The following STARD9 variants were observed in gnomAD, a reference collection of about 807,000 sequenced individuals.
The protein encoded by STARD9 is StAR related lipid transfer domain containing 9.
In STARD9, 346 loss-of-function variants were observed where a neutral mutation model predicts 399.8. The observed-to-expected ratio is 0.87, with a 90% CI of 0.79 to 0.95. The LOEUF is 0.95. Ranked by LOEUF, STARD9 falls within the 40% of genes least tolerant of loss-of-function variation. The probability of loss-of-function intolerance (pLI) is 0.00; values close to 1 mark genes in which losing one functional copy is unlikely to be tolerated. For synonymous variants in STARD9, 2,203 were observed against 2,143.5 expected (o/e 1.03, Z -0.77); for missense variants, 5,832 against 5,667.5 (o/e 1.03, Z -0.93).
At chr15:42,618,351 G>A (rs1361449971) in intron 3 of STARD9, among the ~76,000 whole-genome samples, 1 of 149,726 alleles carries the variant, frequency 6.7e-6, no homozygotes, top group Non-Finnish European at 1.5e-5. Flanking sequence ...CAGGTTGGTC[G>A]TGAACTCCTG....
Position 42,663,273 on chromosome 15 carries a change from C to T in STARD9, c.869-8C>T, listed in dbSNP as rs1469963568. The T allele has an allele frequency of 5.3e-6, 8 of 1,513,504 alleles. No homozygotes were observed. The highest frequency in any genetic ancestry group is 2.8e-5 in the African/African-American group (2 of 71,864). 93.8% of individuals were successfully genotyped at this position (1,513,504 alleles called of 1,614,324 possible). Reference sequence around the variant, plus strand: ...TCTTTCTTCCATTTTCTTTTTTCATCTTTTAAGCCCAGAACTCCCAAGTTT... The same window carrying T: ...TCTTTCTTCCATTTTCTTTTTTCATTTTTTAAGCCCAGAACTCCCAAGTTT... On this transcript the variant is annotated splice_region_variant and splice_polypyrimidine_tract_variant and intron_variant, in intron 11 of 32. Transcript: ENST00000290607.
intron 3 of STARD9, among the ~76,000 whole-genome samples, chr15:42,614,922 G>A (rs2058927000): frequency 6.6e-6 from 1 of 151,890 alleles, no homozygotes; most frequent in African/African-American, 2.4e-5. Flanking sequence ...CTGAGATCGT[G>A]TCACTGCACT....
At position 42,665,795 on chromosome 15, in the gene STARD9, A is replaced by G. The variant is rs747797155; in HGVS notation, c.1264A>G (p.Ser422Gly). 6.5e-7 allele frequency: 1 copy of G among 1,537,202 alleles called. No homozygotes were observed. Among genetic ancestry groups the G allele is most frequent in the South Asian group, 1.2e-5 (1 of 84,064 alleles). ...LLLSFELRNF[S>G]SLSDENLKEL... is the part of the protein sequence containing the mutation. ...CTCTATCTTTGTGCAGAGAAACTTCAGTTCATTGAGTGATGAAAACCTGAA... is the reference window on the plus strand; with the variant it reads ...CTCTATCTTTGTGCAGAGAAACTTCGGTTCATTGAGTGATGAAAACCTGAA... The change falls in exon 15 of 33, where the codon AGT becomes GGT. Residue 422 changes from serine to glycine, a missense_variant. Coordinates refer to ENST00000290607, the MANE Select transcript of STARD9 (RefSeq NM_020759.3).
rs533124511 is a variant in STARD9, at chr15:42,591,049, G to C, written c.234+5412G>C. Among the ~76,000 whole-genome samples, 21 of 152,326 alleles carry C rather than the reference G, an allele frequency of 1.4e-4. No individual in the cohort carries two copies. The South Asian group carries it at 4.3e-3, about 32-fold the overall frequency. On this transcript the variant is annotated intron_variant, in intron 3 of 32. Coordinates refer to ENST00000290607, the MANE Select transcript of STARD9 (RefSeq NM_020759.3). ...GAGAACTTGTTAGTCATCTAGGCCA[G>C]AGTTTGTTGACCTCAGCGCTGTTGA...
At chr15:42,643,851 A>G (rs562232008) in intron 7 of STARD9, among the ~76,000 whole-genome samples, 82 of 152,186 alleles carry the variant, frequency 5.4e-4, no homozygotes, top group Non-Finnish European at 1.0e-3. Flanking sequence ...TTCATCATCA[A>G]TCAGTTTAAA....
chr15:42,617,810 G>C (rs1423155109), intron 3 of STARD9, among the ~76,000 whole-genome samples: 1 of 152,092 alleles, frequency 6.6e-6, no homozygotes, highest in East Asian at 1.9e-4. Context: ...CTGGAGTGCA[G>C]TGGCACGATT....
rs1261053021 is a variant in STARD9, at chr15:42,717,062, C to G, written c.13494+14C>G. 1 of 1,536,864 alleles carries G rather than the reference C, an allele frequency of 6.5e-7. No individual in the cohort carries two copies. Among genetic ancestry groups the G allele is most frequent in the African/African-American group, 1.4e-5 (1 of 73,004 alleles). On this transcript the variant is annotated intron_variant, in intron 28 of 32. Transcript: ENST00000290607. ...TCTATGGCTGATGTGAGTAACTGCTCCCACCCATCCCTACCATTCCTTTAC... is the reference window on the plus strand; with the variant it reads ...TCTATGGCTGATGTGAGTAACTGCTGCCACCCATCCCTACCATTCCTTTAC...
At chr15:42,635,542 G>A (rs2059403421) in intron 4 of STARD9, among the ~76,000 whole-genome samples, 1 of 151,976 alleles carries the variant, frequency 6.6e-6, no homozygotes. Flanking sequence ...TGTTAGCCAG[G>A]ATGGTCTCAA....
In STARD9 at chr15:42,718,042, T is replaced by C; in HGVS notation, c.13625T>C (p.Phe4542Ser). 1 of 1,537,222 alleles carries C rather than the reference T, an allele frequency of 6.5e-7. No homozygotes were observed. Among genetic ancestry groups the C allele is most frequent in the South Asian group, 1.2e-5 (1 of 84,058 alleles). Residue 4542 changes from phenylalanine (F) to serine (S), a missense_variant, in exon 30 of 33, where the codon TTC becomes TCC. Phe to Ser is a radical substitution (Grantham distance 155). Around this residue, in one of 2 missense-constraint regions of STARD9, gnomAD observed 5,828 missense variants for 5,651.1 expected, o/e 1.03. Transcript: ENST00000290607. ...GTGTTTTCTCCCACTCGGCATGGCT[T>C]CCTGGGGGCAGGTGTGGTGTCCCAG... is the stretch of plus-strand genomic sequence containing the variant. ...YKVFSPTRHG[F>S]LGAGVVSQPL...
In STARD9 at chr15:42,661,238, T is replaced by G; in HGVS notation, c.770+13T>G. The G allele has an allele frequency of 6.6e-7, 1 of 1,524,162 alleles. No individual in the cohort carries two copies. The highest frequency in any genetic ancestry group is 8.8e-7 in the Non-Finnish European group (1 of 1,134,980). The allele number at this position is 1,524,162 out of a possible 1,614,324, so 94.4% of individuals were successfully genotyped here. On this transcript the variant is annotated intron_variant, in intron 10 of 32. Transcript: ENST00000290607. ...ACCTAGCAGGCAGGTAATTAGGATT[T>G]TAAAGCTAAGGGGAATTACTCTTGT...
Position 42,689,696 on chromosome 15 carries a change from A to G in STARD9, c.8118A>G (p.Lys2706=). The stretch of plus-strand genomic sequence containing the variant: ...CTTCTGAAATCATAGAGAAAAAGAA[A>G]GATGCAACCAGAACACCTTCCTCAG... The part of the protein sequence containing the change: ...SSSSEIIEKK[K]DATRTPSSAD... Residue 2706 remains lysine (K), a synonymous_variant, in exon 23 of 33, where the codon AAA becomes AAG. Transcript: ENST00000290607. 6.5e-7 allele frequency: 1 copy of G among 1,537,882 alleles called. No homozygotes were observed. The highest frequency in any genetic ancestry group is 1.4e-5 in the African/African-American group (1 of 73,184).
intron 26 of STARD9, among the ~76,000 whole-genome samples, chr15:42,713,050 C>A (rs2061279314): frequency 6.6e-6 from 1 of 152,116 alleles, no homozygotes. Context: ...GCATTGCTAT[C>A]TTAATATTAA....
rs2059781853 is a variant in STARD9, at chr15:42,652,464, A to G, written c.630-56A>G. On this transcript the variant is annotated intron_variant, in intron 8 of 32. Coordinates refer to ENST00000290607, the MANE Select transcript of STARD9 (RefSeq NM_020759.3). ...TTCTTGTATTCTGTATGGATCCTTAAGAATCCACCATGTGTAAACAATCCT... is the reference window on the plus strand; with the variant it reads ...TTCTTGTATTCTGTATGGATCCTTAGGAATCCACCATGTGTAAACAATCCT... 10 of 1,415,872 alleles carry G rather than the reference A, an allele frequency of 7.1e-6. No individual in the cohort carries two copies. In the South Asian group the frequency reaches 1.1e-4, roughly 16 times the overall value. The allele number at this position is 1,415,872 out of a possible 1,614,324, so 87.7% of individuals were successfully genotyped here.
chr15:42,588,692 G>C (rs182388737), intron 3 of STARD9, among the ~76,000 whole-genome samples: 2 of 151,272 alleles, frequency 1.3e-5, no homozygotes, highest in Non-Finnish European at 2.9e-5. Flanking sequence ...CACCACGGAC[G>C]GGTAAGAAAG....
At chr15:42,630,895 CT>C in intron 3 of STARD9, among the ~76,000 whole-genome samples, 1 of 150,494 alleles carries the variant, frequency 6.6e-6, no homozygotes. Flanking sequence ...TTTTGTATTG[CT>C]TTTTTCATTT....
intron 3 of STARD9, among the ~76,000 whole-genome samples, chr15:42,613,942 G>A (rs2058905564): frequency 6.6e-6 from 1 of 151,948 alleles, no homozygotes; most frequent in Non-Finnish European, 1.5e-5. Context: ...TCCAACCTGG[G>A]TGACAGAGCA....
chr15:42,663,351 G>A lies in STARD9; in HGVS notation c.939G>A (p.Gly313=), dbSNP rs2060026337. Reference sequence around the variant, plus strand: ...CAGTCAGCAATGGTGGTGACAGTGGGATCCTTAGCTCTCCTTCTGGGACCA... The same window carrying A: ...CAGTCAGCAATGGTGGTGACAGTGGAATCCTTAGCTCTCCTTCTGGGACCA... The part of the protein sequence containing the change: ...NSSVSNGGDS[G]ILSSPSGTSS... The change falls in exon 12 of 33, where the codon GGG becomes GGA. Residue 313 remains glycine (G), a synonymous_variant. Transcript: ENST00000290607. 2.0e-6 allele frequency: 3 copies of A among 1,537,184 alleles called. No individual in the cohort carries two copies. Among genetic ancestry groups the A allele is most frequent in the Admixed American group, 3.9e-5 (2 of 50,978 alleles).
intron 27 of STARD9, 46 bp downstream of exon 27, chr15:42,716,810 G>A (rs1351106020): frequency 6.6e-7 from 1 of 1,522,212 alleles, no homozygotes; most frequent in Non-Finnish European, 8.8e-7. Context: ...CTGGTTTGGG[G>A]ACTTGGGGGC....
chr15:42,695,186 G>A lies in STARD9; in HGVS notation c.13009G>A (p.Glu4337Lys). The A allele has an allele frequency of 6.5e-7, 1 of 1,537,108 alleles. No homozygotes were observed. The highest frequency in any genetic ancestry group is 2.4e-5 in the East Asian group (1 of 40,920). The change falls in exon 25 of 33, where the codon GAG becomes AAG. Residue 4337 changes from glutamate (E) to lysine (K), a missense_variant. Transcript: ENST00000290607. ...SRSAHTPSDIELMLQDYQQAH... is the reference protein window; with the variant it reads ...SRSAHTPSDIKLMLQDYQQAH... ...GTCAGCTCACACACCCTCTGACATAGAGTTGATGCTGCAAGACTACCAGCA... is the reference window on the plus strand; with the variant it reads ...GTCAGCTCACACACCCTCTGACATAAAGTTGATGCTGCAAGACTACCAGCA...
Sources: gnomAD v4.1 joint callset for allele counts (sites outside exome capture counted in the v4.1 genomes callset) on GRCh38, gnomAD v4.1.1 for gene constraint, gnomAD v4.1.1 regional missense constraint, MANE v1.5 for transcripts, NCBI Gene and HGNC (gene_info 2026-07-23, HGNC 2026-07-21) for gene names.